TUSC3: variants seen among roughly 807,000 people sequenced by gnomAD.
TUSC3 encodes dolichyl-diphosphooligosaccharide--protein glycosyltransferase subunit TUSC3.
TUSC3 carries 45 observed loss-of-function variants against 44.8 expected under a neutral mutation model. The ratio of observed to expected loss-of-function variants is 1.00; its 90% CI spans 0.79 to 1.29. TUSC3 has a LOEUF of 1.29. Among genes scored for constraint, TUSC3 ranks in the 50% most tolerant of loss-of-function variants. The pLI is 0.00. For missense variants in TUSC3, 519 were observed against 437.9 expected (o/e 1.19, Z -1.65); for synonymous variants, 212 against 152.9 (o/e 1.39, Z -2.85).
intron 2 of TUSC3, among the ~76,000 whole-genome samples, chr8:15,647,907 T>C (rs1391058671): frequency 6.6e-6 from 1 of 152,196 alleles, no homozygotes; most frequent in East Asian, 1.9e-4. Flanking sequence ...TAGGAAACTT[T>C]TTTCTCTGAG....
intron 6 of TUSC3, among the ~76,000 whole-genome samples, chr8:15,684,102 G>A (rs542601297): frequency 6.6e-6 from 1 of 152,164 alleles, no homozygotes; most frequent in Non-Finnish European, 1.5e-5. Flanking sequence ...TAGTGCTCTG[G>A]GGAGGGAAGG....
chr8:15,638,431 A>G (rs1455989870), intron 2 of TUSC3, among the ~76,000 whole-genome samples: 6 of 151,394 alleles, frequency 4.0e-5, no homozygotes, highest in African/African-American at 1.2e-4. Flanking sequence ...ATTGTCGCGT[A>G]TAGTTTTAAT....
intron 9 of TUSC3, among the ~76,000 whole-genome samples, chr8:15,756,219 A>G (rs1309154656): frequency 6.6e-6 from 1 of 152,146 alleles, no homozygotes; most frequent in African/African-American, 2.4e-5. Flanking sequence ...TTTGGGGCTT[A>G]AAGTTAGTTA....
At chr8:15,606,553 T>G (rs185032816) in intron 1 of TUSC3, among the ~76,000 whole-genome samples, 2 of 152,056 alleles carry the variant, frequency 1.3e-5, no homozygotes, top group Admixed American at 6.6e-5. Context: ...CACACACAAA[T>G]TGTGGATATT....
intron 1 of TUSC3, among the ~76,000 whole-genome samples, chr8:15,583,230 A>G (rs989827568): frequency 2.6e-5 from 4 of 152,232 alleles, no homozygotes; most frequent in African/African-American, 9.6e-5. Context: ...AAAGCCATGT[A>G]AGACATTAAA....
At chr8:15,662,455 T>C (rs1458271864) in intron 5 of TUSC3, among the ~76,000 whole-genome samples, 159 bp downstream of exon 5, 2 of 149,056 alleles carry the variant, frequency 1.3e-5, no homozygotes, top group African/African-American at 5.0e-5. Flanking sequence ...GAGTTTTCTG[T>C]CAATCAAAAC....
At chr8:15,751,657 C>T (rs1048051415) in intron 9 of TUSC3, among the ~76,000 whole-genome samples, 1 of 148,552 alleles carries the variant, frequency 6.7e-6, no homozygotes, top group African/African-American at 2.4e-5. Flanking sequence ...TTCTTAGGCA[C>T]ATCCAAAAGA....
At chr8:15,792,010 A>T in the TUSC3 span, among the ~76,000 whole-genome samples, 1 of 152,126 alleles carries the variant, frequency 6.6e-6, no homozygotes, top group Non-Finnish European at 1.5e-5. Flanking sequence ...CTAACATAAA[A>T]AAAAGCCACA....
At chr8:15,737,419 T>C (rs546885916) in intron 7 of TUSC3, among the ~76,000 whole-genome samples, 16 of 152,294 alleles carry the variant, frequency 1.1e-4, no homozygotes, top group African/African-American at 3.6e-4. Flanking sequence ...TGCCTCTGGG[T>C]ATTGTATGTA....
At chr8:15,498,344 G>C (rs1800911378) in intron 2 of TUSC3, among the ~76,000 whole-genome samples, 1 of 152,210 alleles carries the variant, frequency 6.6e-6, no homozygotes, top group African/African-American at 2.4e-5. Flanking sequence ...TAGGAAGCAA[G>C]TGCAAAAGCT....
At chr8:15,787,166 T>C in the TUSC3 span, among the ~76,000 whole-genome samples, 112 of 152,218 alleles carry the variant, frequency 7.4e-4, no homozygotes, top group Non-Finnish European at 1.4e-3. Flanking sequence ...CAGAAAAATA[T>C]TATTTCGTTG....
intron 9 of TUSC3, among the ~76,000 whole-genome samples, chr8:15,751,895 A>ATCTGATATAACCATT: frequency 6.6e-6 from 1 of 152,168 alleles, no homozygotes; most frequent in Non-Finnish European, 1.5e-5. Flanking sequence ...ACCCAGGTAA[A>ATCTGATATAACCATT]TCTGATATAA....
intron 2 of TUSC3, among the ~76,000 whole-genome samples, chr8:15,484,826 C>T (rs1800714485): frequency 1.3e-5 from 2 of 152,170 alleles, no homozygotes; most frequent in African/African-American, 4.8e-5. Flanking sequence ...AAAATTCTTA[C>T]TATCATTTAA....
chr8:15,520,836 T>G (rs932688936), intron 2 of TUSC3, among the ~76,000 whole-genome samples: 1 of 152,086 alleles, frequency 6.6e-6, no homozygotes, highest in African/African-American at 2.4e-5. Flanking sequence ...CAGAAATGAG[T>G]AAATTGAAGT....
intron 1 of TUSC3, among the ~76,000 whole-genome samples, chr8:15,555,220 C>G (rs1287409371): frequency 8.8e-6 from 1 of 113,846 alleles, no homozygotes; most frequent in Non-Finnish European, 1.6e-5. Flanking sequence ...GTGATCTTGG[C>G]TTACTGCAAC....
At chr8:15,805,019 A>G in the TUSC3 span, among the ~76,000 whole-genome samples, 1 of 152,032 alleles carries the variant, frequency 6.6e-6, no homozygotes, top group Non-Finnish European at 1.5e-5. Context: ...AGTGTTTTGT[A>G]GTTGTTCTTG....
At chr8:15,555,529 A>G (rs1802228788) in intron 1 of TUSC3, among the ~76,000 whole-genome samples, 1 of 151,054 alleles carries the variant, frequency 6.6e-6, no homozygotes, top group Non-Finnish European at 1.5e-5. Context: ...TCTTGGGCTC[A>G]AGTGATCCCC....
intron 5 of TUSC3, among the ~76,000 whole-genome samples, chr8:15,670,372 T>C (rs1047629611): frequency 1.3e-5 from 2 of 151,882 alleles, no homozygotes; most frequent in African/African-American, 4.8e-5. Context: ...GAACAGAATC[T>C]ATAGTCCAGA....
the TUSC3 span, among the ~76,000 whole-genome samples, chr8:15,843,621 T>TATATACACACACAC: frequency 5.1e-4 from 75 of 146,764 alleles, 1 homozygote; most frequent in African/African-American, 1.9e-3. Flanking sequence ...TATATATATA[T>TATATACACACACAC]ACACGCACAT....
Sources: gnomAD v4.1 joint callset for allele counts (sites outside exome capture counted in the v4.1 genomes callset) on GRCh38, gnomAD v4.1.1 for gene constraint, MANE v1.5 for transcripts, NCBI Gene and HGNC (gene_info 2026-07-23, HGNC 2026-07-21) for gene names.